NELL1: variants seen among roughly 807,000 people sequenced by gnomAD.
The protein encoded by NELL1 is protein kinase C-binding protein NELL1.
A neutral mutation model predicts 107.4 loss-of-function variants in NELL1; 76 were observed. The observed-to-expected ratio is 0.71, with a 90% CI of 0.59 to 0.86. NELL1 has a LOEUF of 0.86. Ranked by LOEUF, NELL1 falls within the 40% of genes least tolerant of loss-of-function variation. The pLI is 0.00. For synonymous variants in NELL1, 353 were observed against 341.2 expected (o/e 1.03, Z -0.38); for missense variants, 1,024 against 1,005.5 (o/e 1.02, Z -0.25).
intron 5 of NELL1, among the ~76,000 whole-genome samples, chr11:20,912,539 G>A (rs140618262): frequency 0.016 from 2,502 of 152,226 alleles, 36 homozygotes; most frequent in Non-Finnish European, 0.027. Flanking sequence ...TGCTTCAGGG[G>A]TTGAGTGTTC....
intron 5 of NELL1, among the ~76,000 whole-genome samples, chr11:20,898,921 C>A (rs528751748): frequency 4.7e-4 from 71 of 152,064 alleles, no homozygotes; most frequent in Non-Finnish European, 9.1e-4. Context: ...CAAGTTAATT[C>A]ATCAATATGT....
At chr11:20,712,231 G>A (rs1354060046) in intron 2 of NELL1, among the ~76,000 whole-genome samples, 1 of 151,948 alleles carries the variant, frequency 6.6e-6, no homozygotes, top group Non-Finnish European at 1.5e-5. Flanking sequence ...TCTTCTACTT[G>A]TTCTAGTCTA....
intron 12 of NELL1, among the ~76,000 whole-genome samples, chr11:21,061,768 A>G (rs1018580229): frequency 2.6e-5 from 4 of 152,162 alleles, no homozygotes; most frequent in Admixed American, 6.5e-5. Flanking sequence ...CCTCCAGAGA[A>G]CTGGAGGTGG....
intron 15 of NELL1, among the ~76,000 whole-genome samples, chr11:21,469,926 G>A (rs986021862): frequency 6.6e-6 from 1 of 151,920 alleles, no homozygotes; most frequent in African/African-American, 2.4e-5. Flanking sequence ...AAATTGGATT[G>A]GGACACACCA....
intron 12 of NELL1, among the ~76,000 whole-genome samples, chr11:21,054,876 A>G (rs1207865896): frequency 6.6e-6 from 1 of 151,988 alleles, no homozygotes; most frequent in Admixed American, 6.6e-5. Flanking sequence ...GTGTTCATGA[A>G]TTGTCAGACA....
At chr11:20,707,794 G>T (rs572580197) in intron 2 of NELL1, among the ~76,000 whole-genome samples, 12 of 152,318 alleles carry the variant, frequency 7.9e-5, no homozygotes, top group African/African-American at 2.9e-4. Flanking sequence ...TCAGGGATCT[G>T]GGACCCACTT....
At chr11:20,783,534 T>G in intron 2 of NELL1, 146 bp from the exon 3 acceptor site, 1 of 569,570 alleles carries the variant, frequency 1.8e-6, no homozygotes. Flanking sequence ...CAATCTGGAT[T>G]CTTTGGACAT....
At chr11:21,397,433 C>T (rs1300458206) in intron 15 of NELL1, among the ~76,000 whole-genome samples, 1 of 151,386 alleles carries the variant, frequency 6.6e-6, no homozygotes, top group Non-Finnish European at 1.5e-5. Flanking sequence ...TAAAATTACT[C>T]AGTCTTTATA....
At chr11:21,492,829 G>T (rs1017067517) in intron 15 of NELL1, among the ~76,000 whole-genome samples, 1 of 151,930 alleles carries the variant, frequency 6.6e-6, no homozygotes, top group Non-Finnish European at 1.5e-5. Flanking sequence ...ACACCAGCAT[G>T]ACACATGTAT....
chr11:21,568,372 T>A (rs1465678230), intron 17 of NELL1, among the ~76,000 whole-genome samples: 1 of 151,856 alleles, frequency 6.6e-6, no homozygotes, highest in Non-Finnish European at 1.5e-5. Context: ...GTTGGGTGCA[T>A]GTGAAGGCCT....
At chr11:21,484,047 C>A (rs1460160290) in intron 15 of NELL1, among the ~76,000 whole-genome samples, 9 of 126,838 alleles carry the variant, frequency 7.1e-5, no homozygotes, top group Admixed American at 6.8e-4. Flanking sequence ...AATGTGACCT[C>A]ATTATATAAA....
intron 15 of NELL1, among the ~76,000 whole-genome samples, chr11:21,476,734 C>A (rs1469816912): frequency 6.6e-6 from 1 of 152,062 alleles, no homozygotes; most frequent in South Asian, 2.1e-4. Flanking sequence ...TAATGCCACC[C>A]GTCCCTCATC....
Position 20,864,926 on chromosome 11 carries a change from T to A in NELL1, c.506+17173T>A, listed in dbSNP as rs149401935. Among the ~76,000 whole-genome samples, 646 of 152,334 alleles carry A rather than the reference T, an allele frequency of 4.2e-3. 2 individuals are homozygous for A. Among genetic ancestry groups the A allele is most frequent in the Middle Eastern group, 6.8e-3 (2 of 294 alleles). ...CTCCTGCCAGTCCTCCTGTACAACATCCTCATTGGCAGGACAGCCCTTCCT... is the reference window on the plus strand; with the variant it reads ...CTCCTGCCAGTCCTCCTGTACAACAACCTCATTGGCAGGACAGCCCTTCCT... On this transcript the variant is annotated intron_variant, in intron 4 of 19. Coordinates refer to ENST00000357134, the MANE Select transcript of NELL1 (RefSeq NM_006157.5).
intron 15 of NELL1, among the ~76,000 whole-genome samples, chr11:21,461,920 A>C (rs1853910240): frequency 6.6e-6 from 1 of 152,140 alleles, no homozygotes; most frequent in Non-Finnish European, 1.5e-5. Context: ...TCCAGGAGCC[A>C]ATGTGGAAGC....
intron 14 of NELL1, among the ~76,000 whole-genome samples, chr11:21,255,545 G>C (rs1170572781): frequency 6.6e-6 from 1 of 151,990 alleles, no homozygotes; most frequent in African/African-American, 2.4e-5. Context: ...AACAACTTCA[G>C]TATAGCTCGA....
At chr11:21,322,252 C>T (rs1421420400) in intron 14 of NELL1, among the ~76,000 whole-genome samples, 1 of 152,058 alleles carries the variant, frequency 6.6e-6, no homozygotes, top group Non-Finnish European at 1.5e-5. Context: ...TGTCTTGGGC[C>T]CCTTGTCATT....
At chr11:20,698,552 A>G (rs1854682582) in intron 2 of NELL1, among the ~76,000 whole-genome samples, 2 of 152,238 alleles carry the variant, frequency 1.3e-5, no homozygotes, top group African/African-American at 2.4e-5. Flanking sequence ...CTCTTCAGAC[A>G]TTGAATAATA....
intron 12 of NELL1, among the ~76,000 whole-genome samples, chr11:20,985,065 T>C (rs1179383492): frequency 2.0e-5 from 3 of 152,202 alleles, no homozygotes; most frequent in Admixed American, 2.0e-4. Context: ...ATTCACCTGG[T>C]CAACTTACAG....
At chr11:21,434,152 T>C (rs575329427) in intron 15 of NELL1, among the ~76,000 whole-genome samples, 1 of 152,302 alleles carries the variant, frequency 6.6e-6, no homozygotes, top group Admixed American at 6.5e-5. Flanking sequence ...GTGTCTTCAC[T>C]CTGGTGATTG....
Sources: allele counts gnomAD v4.1 joint callset (sites outside exome capture counted in the v4.1 genomes callset), GRCh38; gene constraint gnomAD v4.1.1; transcripts MANE v1.5; gene names NCBI Gene and HGNC (gene_info 2026-07-23, HGNC 2026-07-21).